The following ASB15 variants were observed in gnomAD, a reference collection of about 807,000 sequenced individuals.
The protein encoded by ASB15 is ankyrin repeat and SOCS box containing 15, also known as ankyrin repeat and SOCS box protein 15.
A neutral mutation model predicts 58.0 loss-of-function variants in ASB15; 54 were observed. The ratio of observed to expected loss-of-function variants is 0.93; its 90% confidence interval spans 0.75 to 1.17. ASB15 has a LOEUF of 1.17. Among genes scored for constraint, ASB15 ranks in the 50% most tolerant of loss-of-function variants. ASB15 has a pLI of 0.00. For synonymous variants in ASB15, 249 were observed against 262.4 expected, an observed-to-expected ratio of 0.95 and a Z score of 0.50; for missense variants, 680 against 707.4, an observed-to-expected ratio of 0.96 and a Z score of 0.44.
chr7:123,619,808 C>CCA (rs1433409412), intron 7 of ASB15, among the ~76,000 whole-genome samples: 1 of 152,176 alleles, frequency 6.6e-6, no homozygotes, highest in Non-Finnish European at 1.5e-5. Context: ...CAGGCGTGAG[C>CCA]CACCGCTCCT....
At chr7:123,576,738 A>G (rs1305213500) in intron 1 of ASB15, among the ~76,000 whole-genome samples, 5 of 152,158 alleles carry the variant, frequency 3.3e-5, no homozygotes, top group African/African-American at 1.2e-4. Flanking sequence ...CTTCACTGTG[A>G]AGATGAGTTC....
At chr7:123,627,768 C>G (rs145291999) in intron 9 of ASB15, among the ~76,000 whole-genome samples, 1 of 152,040 alleles carries the variant, frequency 6.6e-6, no homozygotes, top group Non-Finnish European at 1.5e-5. Context: ...TTATTCCATA[C>G]GAACGGTTGA....
chr7:123,599,699 A>T (rs1349090198), upstream of ASB15, among the ~76,000 whole-genome samples: 1 of 152,198 alleles, frequency 6.6e-6, no homozygotes, highest in East Asian at 1.9e-4. Flanking sequence ...TTTTAACCTA[A>T]GACTCTTCAT....
chr7:123,583,535 T>C (rs1584732689), intron 1 of ASB15, among the ~76,000 whole-genome samples: 2 of 152,030 alleles, frequency 1.3e-5, no homozygotes, highest in Non-Finnish European at 2.9e-5. Flanking sequence ...TTCTGCTATA[T>C]GACATTCTCT....
chr7:123,599,305 T>C (rs1433152891), upstream of ASB15, among the ~76,000 whole-genome samples: 2 of 152,060 alleles, frequency 1.3e-5, no homozygotes, highest in Non-Finnish European at 2.9e-5. Context: ...TAACTTAAAG[T>C]AGGACTCCCC....
intron 7 of ASB15, among the ~76,000 whole-genome samples, chr7:123,621,813 G>A (rs1456438933): frequency 6.6e-6 from 1 of 152,092 alleles, no homozygotes. Flanking sequence ...AAAGGTTTTT[G>A]CACTTGGACT....
intron 1 of ASB15, among the ~76,000 whole-genome samples, chr7:123,574,774 T>C (rs1404574725): frequency 6.6e-6 from 1 of 152,096 alleles, no homozygotes; most frequent in Non-Finnish European, 1.5e-5. Flanking sequence ...TCTTGAAGAG[T>C]GGATTACTTT....
chr7:123,615,877 C>T (rs1159969309), intron 4 of ASB15, among the ~76,000 whole-genome samples: 1 of 152,140 alleles, frequency 6.6e-6, no homozygotes, highest in Non-Finnish European at 1.5e-5. Flanking sequence ...GGCTAATTGG[C>T]CTCCCCAGAA....
intron 1 of ASB15, among the ~76,000 whole-genome samples, chr7:123,587,908 C>T (rs978982820): frequency 6.6e-6 from 1 of 151,664 alleles, no homozygotes; most frequent in Non-Finnish European, 1.5e-5. Context: ...GGTACATAAT[C>T]CTTTTAATGC....
intron 2 of ASB15, among the ~76,000 whole-genome samples, chr7:123,608,355 T>A (rs1800251557): frequency 6.6e-6 from 1 of 152,254 alleles, no homozygotes; most frequent in East Asian, 1.9e-4. Context: ...ATTCATTTAG[T>A]AAATGCTGAG....
chr7:123,582,469 T>C (rs1173860329), intron 1 of ASB15, among the ~76,000 whole-genome samples: 1 of 151,978 alleles, frequency 6.6e-6, no homozygotes, highest in Non-Finnish European at 1.5e-5. Flanking sequence ...CAGTATATAG[T>C]TCAGTATATA....
chr7:123,616,130 A>G, intron 4 of ASB15, 91 bp from the exon 5 acceptor site: 2 of 1,086,040 alleles, frequency 1.8e-6, no homozygotes, highest in Non-Finnish European at 2.7e-6. Flanking sequence ...ATTAAAATTA[A>G]GTTTAAAAAT....
In ASB15 at chr7:123,627,298, A is replaced by ATT; in HGVS notation, c.869+17_869+18insTT. 6.3e-7 allele frequency: 1 copy of ATT among 1,591,792 alleles called. No individual in the cohort carries two copies. Among genetic ancestry groups the ATT allele is most frequent in the Admixed American group, 1.7e-5 (1 of 59,672 alleles). The stretch of plus-strand genomic sequence containing the variant: ...GCATTATCTGTGAGTGATAAATTAT[A>ATT]GGGTAATTATTTGAGTTAAAAATGC... On this transcript the variant is annotated intron_variant, in intron 9 of 11. Transcript: ENST00000451215.
intron 1 of ASB15, among the ~76,000 whole-genome samples, chr7:123,567,429 C>T (rs992426464): frequency 6.6e-6 from 1 of 152,138 alleles, no homozygotes; most frequent in Non-Finnish European, 1.5e-5. Flanking sequence ...ACAAAATTTG[C>T]TTTGTGATGC....
At chr7:123,627,418 A>G (rs1054092628) in intron 9 of ASB15, 137 bp downstream of exon 9, 1 of 614,436 alleles carries the variant, frequency 1.6e-6, no homozygotes, top group African/African-American at 1.9e-5. Flanking sequence ...GATGCTCCAA[A>G]TTTAGATATT....
chr7:123,580,570 A>T (rs1323833775), intron 1 of ASB15, among the ~76,000 whole-genome samples: 1 of 152,068 alleles, frequency 6.6e-6, no homozygotes, highest in Non-Finnish European at 1.5e-5. Context: ...GTTAAATGAG[A>T]TAATGCATAT....
chr7:123,621,439 G>C (rs1490752614), intron 7 of ASB15: 1 of 152,114 alleles, frequency 6.6e-6, no homozygotes, highest in Non-Finnish European at 1.5e-5. Context: ...GTCTTCTTAG[G>C]TTTTATAGGA....
chr7:123,601,273 C>A (rs147745698), upstream of ASB15, among the ~76,000 whole-genome samples: 56 of 152,248 alleles, frequency 3.7e-4, no homozygotes, highest in East Asian at 9.3e-3. Flanking sequence ...ATTTGCTACT[C>A]ATTTTTTTAG....
chr7:123,630,167 T>C, intron 11 of ASB15, 48 bp downstream of exon 11: 6 of 1,384,180 alleles, frequency 4.3e-6, no homozygotes, highest in African/African-American at 1.4e-5. Context: ...AGAACTTATA[T>C]GGGGGAAATT....
Sources: allele counts gnomAD v4.1 joint callset (sites outside exome capture counted in the v4.1 genomes callset), GRCh38; gene constraint gnomAD v4.1.1; transcripts MANE v1.5; gene names NCBI Gene and HGNC (gene_info 2026-07-23, HGNC 2026-07-21).